AGBL1: variants seen among roughly 807,000 people sequenced by gnomAD.
The protein encoded by AGBL1 is cytosolic carboxypeptidase 4.
AGBL1 carries 130 observed loss-of-function variants against 118.9 expected under a neutral mutation model. That is an observed-to-expected ratio of 1.09 (90% confidence interval 0.95 to 1.26). The LOEUF (loss-of-function observed/expected upper bound fraction) is 1.26, where lower values mean the gene tolerates loss of function less well. AGBL1 is among the 50% of genes most tolerant of loss of function. AGBL1 has a pLI of 0.00. For synonymous variants in AGBL1, 555 were observed against 478.9 expected, an observed-to-expected ratio of 1.16 and a Z score of -2.08; for missense variants, 1,584 against 1,298.1, an observed-to-expected ratio of 1.22 and a Z score of -3.38.
chr15:86,995,496 T>C (rs1438599184), intron 24 of AGBL1, among the ~76,000 whole-genome samples: 2 of 152,176 alleles, frequency 1.3e-5, no homozygotes, highest in Non-Finnish European at 2.9e-5. Flanking sequence ...TACAATTCTA[T>C]GCCAGTGAAA....
chr15:86,423,878 A>G (rs1187331658), intron 18 of AGBL1, among the ~76,000 whole-genome samples: 1 of 152,200 alleles, frequency 6.6e-6, no homozygotes, highest in African/African-American at 2.4e-5. Flanking sequence ...CAAGGAAATA[A>G]GAGAGGATAT....
rs150260398 is a variant in AGBL1, at chr15:86,452,916, G to T, written c.2555+55370G>T. ...TTGCTCTTTCCCCTGGTATGTACCC[G>T]GTCTGCTCTGCTCAATAATAACCTA... On this transcript the variant is annotated intron_variant, in intron 18 of 22. Transcript: ENST00000614907. 1.1e-4 allele frequency among the ~76,000 whole-genome samples: 17 copies of T among 152,158 alleles called. No homozygotes were observed. In the East Asian group the frequency reaches 3.3e-3, roughly 29 times the overall value.
chr15:86,835,045 A>G (rs1397312114), intron 22 of AGBL1, among the ~76,000 whole-genome samples: 2 of 151,702 alleles, frequency 1.3e-5, no homozygotes. Flanking sequence ...CTACATATGG[A>G]CTCTCTTGTC....
intron 18 of AGBL1, among the ~76,000 whole-genome samples, chr15:86,505,334 T>A (rs543357050): frequency 6.7e-6 from 1 of 149,272 alleles, no homozygotes; most frequent in Non-Finnish European, 1.5e-5. Context: ...TACTTTTTTT[T>A]AACTATTTGT....
At chr15:86,474,813 G>A (rs933062965) in intron 18 of AGBL1, among the ~76,000 whole-genome samples, 4 of 152,192 alleles carry the variant, frequency 2.6e-5, no homozygotes, top group African/African-American at 9.6e-5. Context: ...AGCCTAACTG[G>A]GAGGCACCCC....
intron 16 of AGBL1, among the ~76,000 whole-genome samples, chr15:86,286,193 C>T (rs2079443881): frequency 6.6e-6 from 1 of 150,876 alleles, no homozygotes; most frequent in Non-Finnish European, 1.5e-5. Flanking sequence ...ACAAATAATA[C>T]TTGCTTATAT....
chr15:86,466,456 G>A (rs2082408388), intron 18 of AGBL1, among the ~76,000 whole-genome samples: 1 of 152,032 alleles, frequency 6.6e-6, no homozygotes, highest in Admixed American at 6.5e-5. Context: ...TTAGGTTGGA[G>A]GAGTTTGTTA....
intron 23 of AGBL1, among the ~76,000 whole-genome samples, chr15:86,965,208 C>T (rs1596683004): frequency 6.6e-6 from 1 of 152,160 alleles, no homozygotes; most frequent in East Asian, 1.9e-4. Context: ...AATCGCCACA[C>T]TCTCTTCCAC....
chr15:86,410,841 T>TATATATATATATATATATATATATATAA (rs67883935), intron 18 of AGBL1, among the ~76,000 whole-genome samples: 1 of 64,568 alleles, frequency 1.5e-5, no homozygotes, highest in African/African-American at 6.7e-5. Flanking sequence ...TATATATATA[T>TATATATATATATATATATATATATATAA]AATATACTAT....
At chr15:86,343,468 T>G (rs1019238539) in intron 17 of AGBL1, among the ~76,000 whole-genome samples, 6 of 152,172 alleles carry the variant, frequency 3.9e-5, no homozygotes, top group Non-Finnish European at 8.8e-5. Context: ...TTCTCCAGTT[T>G]CATGTGCTGT....
chr15:86,899,459 T>A (rs1212754242), intron 22 of AGBL1, among the ~76,000 whole-genome samples: 3 of 152,100 alleles, frequency 2.0e-5, no homozygotes, highest in Admixed American at 6.6e-5. Flanking sequence ...AGTGATGAAA[T>A]AATTTGTACA....
chr15:86,695,640 G>A (rs1315455281), intron 22 of AGBL1, among the ~76,000 whole-genome samples: 1 of 151,760 alleles, frequency 6.6e-6, no homozygotes, highest in Non-Finnish European at 1.5e-5. Flanking sequence ...GCTGGGTTTG[G>A]GTTTGGTTTG....
At chr15:86,208,008 G>C (rs2078023659) in intron 5 of AGBL1, among the ~76,000 whole-genome samples, 1 of 103,634 alleles carries the variant, frequency 9.6e-6, no homozygotes, top group Non-Finnish European at 2.0e-5. Context: ...AGTTTATTGA[G>C]AGTTTTTTTT....
chr15:86,792,608 G>C (rs2078510696), intron 22 of AGBL1, among the ~76,000 whole-genome samples: 1 of 152,066 alleles, frequency 6.6e-6, no homozygotes, highest in Non-Finnish European at 1.5e-5. Context: ...CCCAGACCTA[G>C]TTCTACCTGG....
At chr15:86,143,267 A>G (rs909233723) in intron 2 of AGBL1, among the ~76,000 whole-genome samples, 1 of 149,372 alleles carries the variant, frequency 6.7e-6, no homozygotes, top group Non-Finnish European at 1.5e-5. Context: ...CCATCAATAC[A>G]ATGATTCCAG....
intron 22 of AGBL1, among the ~76,000 whole-genome samples, chr15:86,801,499 T>A (rs2078649983): frequency 1.3e-5 from 2 of 152,084 alleles, no homozygotes; most frequent in South Asian, 4.1e-4. Flanking sequence ...TCACTCATGT[T>A]ACATCACACT....
At chr15:86,191,348 C>CAAAAAAAAAAAAAAAAAAAAA (rs869108108) in intron 5 of AGBL1, among the ~76,000 whole-genome samples, 1 of 65,106 alleles carries the variant, frequency 1.5e-5, no homozygotes, top group Non-Finnish European at 2.5e-5. Flanking sequence ...AACTTTGTCT[C>CAAAAAAAAAAAAAAAAAAAAA]AAAAAAAAAA....
At chr15:86,203,890 A>T (rs1567123825) in intron 5 of AGBL1, among the ~76,000 whole-genome samples, 1 of 152,218 alleles carries the variant, frequency 6.6e-6, no homozygotes, top group Non-Finnish European at 1.5e-5. Context: ...TTATGCAAAG[A>T]CTTGATTAGG....
At chr15:86,530,157 G>C (rs982178053) in intron 19 of AGBL1, among the ~76,000 whole-genome samples, 9 of 141,898 alleles carry the variant, frequency 6.3e-5, no homozygotes, top group African/African-American at 2.5e-4. Flanking sequence ...AAAAGACACA[G>C]ACTGGCAAGT....
Sources: gnomAD v4.1 joint callset for allele counts (sites outside exome capture counted in the v4.1 genomes callset) on GRCh38, gnomAD v4.1.1 for gene constraint, MANE v1.5 for transcripts, NCBI Gene and HGNC (gene_info 2026-07-23, HGNC 2026-07-21) for gene names.